SDHAF3: variants seen among roughly 807,000 people sequenced by gnomAD.
SDHAF3 encodes the protein succinate dehydrogenase complex assembly factor 3, also known as succinate dehydrogenase assembly factor 3, mitochondrial.
SDHAF3 carries 18 observed loss-of-function variants against 11.5 expected under a neutral mutation model. The observed-to-expected ratio is 1.56, with a 90% confidence interval of 1.08 to 2.32. The LOEUF (loss-of-function observed/expected upper bound fraction) is 2.32. Ranked by LOEUF, SDHAF3 falls within the 30% of genes most tolerant of loss-of-function variation. The probability of loss-of-function intolerance (pLI) is 0.00; values close to 1 mark genes in which losing one functional copy is unlikely to be tolerated. For missense variants in SDHAF3, 200 were observed against 154.4 expected, an observed-to-expected ratio of 1.30 and a Z score of -1.57; for synonymous variants, 72 against 59.3, an observed-to-expected ratio of 1.21 and a Z score of -0.99.
rs539283633 is a variant in SDHAF3, at chr7:97,138,020, G to A, written c.174+20123G>A. ...CTTGAGTAGCTGGGATTACAGGCAC[G>A]TGGCACCACACCCAGCTAATTTTGT... On this transcript the variant is annotated intron_variant, in intron 1 of 1. Coordinates refer to ENST00000432641, the MANE Select transcript of SDHAF3 (RefSeq NM_020186.3). 2.9e-4 allele frequency among the ~76,000 whole-genome samples: 43 copies of A among 149,840 alleles called. 1 individual carries two copies. The highest frequency in any genetic ancestry group is 8.8e-4 in the African/African-American group (36 of 40,702).
At chr7:97,132,514 AG>A (rs1396495302) in intron 1 of SDHAF3, among the ~76,000 whole-genome samples, 2 of 152,230 alleles carry the variant, frequency 1.3e-5, no homozygotes, top group African/African-American at 4.8e-5. Context: ...TGTCTTGTTA[AG>A]CAATGTGAAT....
chr7:97,130,792 A>G (rs1791657947), intron 1 of SDHAF3, among the ~76,000 whole-genome samples: 1 of 152,204 alleles, frequency 6.6e-6, no homozygotes, highest in African/African-American at 2.4e-5. Flanking sequence ...AGTGGATAGT[A>G]TTCCCTACCT....
chr7:97,167,020 G>A (rs1038396417), intron 1 of SDHAF3, among the ~76,000 whole-genome samples: 1 of 150,468 alleles, frequency 6.6e-6, no homozygotes, highest in Non-Finnish European at 1.5e-5. Context: ...GACAATGCTT[G>A]ATAAAATTTT....
chr7:97,118,584 TATTC>T (rs1791445660), intron 1 of SDHAF3, among the ~76,000 whole-genome samples: 1 of 150,888 alleles, frequency 6.6e-6, no homozygotes, highest in African/African-American at 2.4e-5. Context: ...GGAAAAAAGA[TATTC>T]AGAGTATTTC....
chr7:97,121,359 G>A (rs763309997), intron 1 of SDHAF3, among the ~76,000 whole-genome samples: 3 of 152,202 alleles, frequency 2.0e-5, no homozygotes, highest in Non-Finnish European at 4.4e-5. Context: ...ACAGAAGAGT[G>A]TGCTCTCAGG....
At chr7:97,124,087 A>C (rs1791539550) in intron 1 of SDHAF3, among the ~76,000 whole-genome samples, 1 of 152,034 alleles carries the variant, frequency 6.6e-6, no homozygotes, top group East Asian at 1.9e-4. Context: ...CTATGTCCTG[A>C]ATGGTATTGT....
Position 97,181,263 on chromosome 7 carries a change from C to A in SDHAF3, c.*48C>A. On this transcript the variant is annotated 3_prime_UTR_variant, in exon 2 of 2. Transcript: ENST00000432641. ...GACATGCAAAAATTTAGAACCCCTA[C>A]TTTAACTGTCATTGGTTTTTGAAAT... The A allele has an allele frequency of 1.5e-6, 2 of 1,360,324 alleles. No individual in the cohort carries two copies. The highest frequency in any genetic ancestry group is 2.0e-6 in the Non-Finnish European group (2 of 986,388). 84.3% of individuals were successfully genotyped at this position (1,360,324 alleles called of 1,614,324 possible). A position where few individuals can be genotyped will look rare whatever the true frequency, so the allele number is the denominator to read the frequency against.
intron 1 of SDHAF3, among the ~76,000 whole-genome samples, chr7:97,149,905 A>T (rs1789191514): frequency 6.6e-6 from 1 of 152,216 alleles, no homozygotes; most frequent in Non-Finnish European, 1.5e-5. Flanking sequence ...TCAAAGTTGA[A>T]GTCTATCCCC....
chr7:97,143,919 C>A (rs1237290715), intron 1 of SDHAF3, among the ~76,000 whole-genome samples: 1 of 152,170 alleles, frequency 6.6e-6, no homozygotes, highest in Non-Finnish European at 1.5e-5. Context: ...ACAGTGTTTT[C>A]CATAGTGGCT....
At chr7:97,133,243 A>T (rs573182033) in intron 1 of SDHAF3, among the ~76,000 whole-genome samples, 1 of 152,252 alleles carries the variant, frequency 6.6e-6, no homozygotes, top group East Asian at 1.9e-4. Context: ...GTAAATAAAG[A>T]CTTTATGTAC....
At chr7:97,125,180 G>A (rs761092891) in intron 1 of SDHAF3, among the ~76,000 whole-genome samples, 14 of 151,844 alleles carry the variant, frequency 9.2e-5, no homozygotes, top group Non-Finnish European at 1.5e-4. Flanking sequence ...TCAAAAAAAC[G>A]GCTCCGATTC....
chr7:97,178,348 G>T (rs1438741461), intron 1 of SDHAF3, among the ~76,000 whole-genome samples: 1 of 152,152 alleles, frequency 6.6e-6, no homozygotes, highest in African/African-American at 2.4e-5. Flanking sequence ...ATACAAGTAT[G>T]TGTTTGAGTT....
At position 97,181,482 on chromosome 7, in the gene SDHAF3, T is replaced by C. The variant is rs1238809608; in HGVS notation, c.*267T>C. On this transcript the variant is annotated 3_prime_UTR_variant, in exon 2 of 2. Transcript: ENST00000432641. ...TTGCTGAAAATGTTTTAAAATGCTA[T>C]TCTCATCCAGCCATATTAGTCTTCT... 5 of 288,702 alleles carry C rather than the reference T, an allele frequency of 1.7e-5. No homozygotes were observed. The highest frequency in any genetic ancestry group is 4.8e-5 in the Admixed American group (1 of 20,954). 17.9% of individuals were successfully genotyped at this position (288,702 alleles called of 1,614,324 possible). A position where few individuals can be genotyped will look rare whatever the true frequency, so the allele number is the denominator to read the frequency against.
intron 1 of SDHAF3, among the ~76,000 whole-genome samples, chr7:97,130,734 A>G (rs1307677054): frequency 2.0e-5 from 3 of 152,240 alleles, no homozygotes; most frequent in Non-Finnish European, 2.9e-5. Flanking sequence ...CATAGTGAGT[A>G]AGGTGGAGAA....
rs1482308521 is a variant in SDHAF3 at position 97,117,859 on chromosome 7, G to A, written c.136G>A (p.Gly46Ser). ...CGAATTTAGGAGACATAAGACCGTT[G>A]GTTCTGACGAGGCACAGCGTTTCTT... ...KDEFRRHKTV[G>S]SDEAQRFLQE... Residue 46 changes from glycine to serine, a missense_variant, in exon 1 of 2, where the codon GGT (glycine) becomes AGT (serine). Physicochemically the swap from Gly to Ser is moderately conservative, Grantham distance 56 (BLOSUM62 0). Coordinates refer to ENST00000432641, the MANE Select transcript of SDHAF3 (RefSeq NM_020186.3). 3.1e-6 allele frequency: 5 copies of A among 1,614,224 alleles called. No homozygotes were observed. The highest frequency in any genetic ancestry group is 1.7e-5 in the Admixed American group (1 of 60,028).
chr7:97,145,320 TTG>T (rs1343846420), intron 1 of SDHAF3, among the ~76,000 whole-genome samples: 3 of 152,210 alleles, frequency 2.0e-5, no homozygotes, highest in Non-Finnish European at 4.4e-5. Context: ...GAAGTAGTAT[TTG>T]TCTTTTTACA....
At chr7:97,138,459 C>G (rs1788967670) in intron 1 of SDHAF3, among the ~76,000 whole-genome samples, 1 of 152,166 alleles carries the variant, frequency 6.6e-6, no homozygotes, top group Non-Finnish European at 1.5e-5. Flanking sequence ...CACCACTGCC[C>G]AGCCCTCATT....
rs538368978 is a variant in SDHAF3 at position 97,119,777 on chromosome 7, A to G, written c.174+1880A>G. ...TTCATTACCTTGATACTTTTTTGAA[A>G]AGTACTAGTCTGTTACTTTGTGGAA... is the stretch of plus-strand genomic sequence containing the variant. On this transcript the variant is annotated intron_variant, in intron 1 of 1. Coordinates refer to ENST00000432641, the MANE Select transcript of SDHAF3 (RefSeq NM_020186.3). Among the ~76,000 whole-genome samples the G allele has an allele frequency of 2.0e-5, 3 of 152,196 alleles. No homozygotes were observed. The East Asian group carries it at 5.8e-4, about 29-fold the overall frequency.
chr7:97,158,821 C>G (rs1222567008), intron 1 of SDHAF3, among the ~76,000 whole-genome samples: 1 of 152,190 alleles, frequency 6.6e-6, no homozygotes, highest in Non-Finnish European at 1.5e-5. Flanking sequence ...CAAACTATTT[C>G]ATTCTGTAGT....
Sources: allele counts gnomAD v4.1 joint callset (sites outside exome capture counted in the v4.1 genomes callset), GRCh38; gene constraint gnomAD v4.1.1; transcripts MANE v1.5; gene names NCBI Gene and HGNC (gene_info 2026-07-23, HGNC 2026-07-21).